Variants in MCTP2 observed in about 807,000 individuals in gnomAD.
MCTP2 encodes the protein multiple C2 and transmembrane domain containing 2, also known as multiple C2 and transmembrane domain-containing protein 2.
In MCTP2, 132 loss-of-function variants were observed where a neutral mutation model predicts 111.6. The ratio of observed to expected loss-of-function variants is 1.18; its 90% CI spans 1.03 to 1.37. The LOEUF (loss-of-function observed/expected upper bound fraction) is 1.37, where lower values mean the gene tolerates loss of function less well. MCTP2 is among the 40% of genes most tolerant of loss of function. The probability of loss-of-function intolerance (pLI) is 0.00; values close to 1 mark genes in which losing one functional copy is unlikely to be tolerated. For missense variants in MCTP2, 1,183 were observed against 1,067.9 expected (o/e 1.11, Z -1.50); for synonymous variants, 395 against 387.7 (o/e 1.02, Z -0.22).
intron 8 of MCTP2, among the ~76,000 whole-genome samples, chr15:94,351,548 G>A (rs2078302344): frequency 6.6e-6 from 1 of 151,992 alleles, no homozygotes; most frequent in Non-Finnish European, 1.5e-5. Context: ...TTCCCATAAT[G>A]ACTTAGGAAA....
At chr15:94,450,348 G>A (rs1166396665) in intron 19 of MCTP2, among the ~76,000 whole-genome samples, 3 of 152,274 alleles carry the variant, frequency 2.0e-5, no homozygotes, top group Non-Finnish European at 4.4e-5. Flanking sequence ...GTGTGTGCGT[G>A]TGTGTGTGCA....
intron 14 of MCTP2, among the ~76,000 whole-genome samples, chr15:94,391,497 G>A (rs569590952): frequency 5.9e-5 from 9 of 152,296 alleles, no homozygotes; most frequent in Admixed American, 3.3e-4. Flanking sequence ...AGTTGGTGCC[G>A]TAGGGTAGAG....
chr15:94,362,292 G>A (rs1159703881), intron 10 of MCTP2, among the ~76,000 whole-genome samples: 1 of 152,082 alleles, frequency 6.6e-6, no homozygotes, highest in Non-Finnish European at 1.5e-5. Context: ...TCCATTTTGA[G>A]CCATTTCAAA....
chr15:94,419,073 T>C (rs529715285), intron 17 of MCTP2, among the ~76,000 whole-genome samples: 29 of 152,280 alleles, frequency 1.9e-4, no homozygotes, highest in African/African-American at 6.7e-4. Flanking sequence ...TGATATGCAT[T>C]GTTTATTTAA....
chr15:94,315,692 C>G, intron 4 of MCTP2, 55 bp downstream of exon 4: 1 of 1,260,304 alleles, frequency 7.9e-7, no homozygotes, highest in Non-Finnish European at 1.2e-6. Context: ...TTCTCTCTGT[C>G]CTTGTATCAA....
intron 8 of MCTP2, among the ~76,000 whole-genome samples, chr15:94,351,421 A>T (rs1477913956): frequency 6.6e-6 from 1 of 152,176 alleles, no homozygotes; most frequent in Non-Finnish European, 1.5e-5. Context: ...TTATAGGCTC[A>T]ATGTTTTCTC....
At chr15:94,311,720 A>C (rs1234887150) in intron 2 of MCTP2, among the ~76,000 whole-genome samples, 2 of 152,164 alleles carry the variant, frequency 1.3e-5, no homozygotes, top group Non-Finnish European at 2.9e-5. Flanking sequence ...AATTAATGTC[A>C]TTGCTCACAT....
intron 4 of MCTP2, among the ~76,000 whole-genome samples, chr15:94,317,080 G>A (rs964626627): frequency 2.0e-5 from 3 of 152,002 alleles, no homozygotes; most frequent in African/African-American, 7.2e-5. Flanking sequence ...CAATTGTTAT[G>A]TTTTTCATTT....
At chr15:94,256,794 A>G (rs1483440698) in intron 1 of MCTP2, among the ~76,000 whole-genome samples, 1 of 152,204 alleles carries the variant, frequency 6.6e-6, no homozygotes, top group Non-Finnish European at 1.5e-5. Flanking sequence ...ATAACCAGGA[A>G]GCTAAAAATG....
chr15:94,371,451 C>T (rs2079480074), intron 12 of MCTP2, among the ~76,000 whole-genome samples: 1 of 152,084 alleles, frequency 6.6e-6, no homozygotes, highest in African/African-American at 2.4e-5. Flanking sequence ...ATGAATTTTC[C>T]AGAGAAAATT....
chr15:94,443,064 T>A, intron 19 of MCTP2, 104 bp downstream of exon 19: 9 of 774,152 alleles, frequency 1.2e-5, no homozygotes, highest in Admixed American at 2.9e-5. Context: ...TTTTTTTTTT[T>A]AATATGATAG....
chr15:94,408,703 A>G (rs2082016080), intron 17 of MCTP2, among the ~76,000 whole-genome samples: 1 of 152,208 alleles, frequency 6.6e-6, no homozygotes, highest in Admixed American at 6.5e-5. Context: ...GCATATTTTC[A>G]TGTTTATATT....
intron 10 of MCTP2, among the ~76,000 whole-genome samples, chr15:94,363,123 GTTT>G (rs1219294567): frequency 6.6e-6 from 1 of 152,158 alleles, no homozygotes; most frequent in Admixed American, 6.6e-5. Context: ...ATAATTTGGA[GTTT>G]TTGACTTTGT....
chr15:94,269,076 T>A (rs1476302593), intron 1 of MCTP2, among the ~76,000 whole-genome samples: 1 of 152,214 alleles, frequency 6.6e-6, no homozygotes, highest in East Asian at 1.9e-4. Context: ...AAGGACTTTT[T>A]AAATTGCTCC....
At chr15:94,432,739 T>C (rs770917175) in intron 17 of MCTP2, among the ~76,000 whole-genome samples, 1 of 152,210 alleles carries the variant, frequency 6.6e-6, no homozygotes, top group Non-Finnish European at 1.5e-5. Context: ...TTTTTGAGAA[T>C]TATTCAGAGA....
intron 20 of MCTP2, among the ~76,000 whole-genome samples, chr15:94,469,316 C>T (rs1434085281): frequency 3.9e-5 from 6 of 152,130 alleles, no homozygotes; most frequent in East Asian, 3.9e-4. Context: ...TACAATATAT[C>T]CAAGTCCATG....
intron 8 of MCTP2, among the ~76,000 whole-genome samples, chr15:94,355,034 G>A (rs756206746): frequency 1.3e-4 from 20 of 152,108 alleles, no homozygotes; most frequent in Non-Finnish European, 2.1e-4. Context: ...CTTACTGAAC[G>A]GACAACGTAA....
At chr15:94,243,973 G>C (rs967660248) in intron 1 of MCTP2, among the ~76,000 whole-genome samples, 4 of 144,462 alleles carry the variant, frequency 2.8e-5, no homozygotes, top group Non-Finnish European at 4.6e-5. Context: ...ACACACATAT[G>C]TATACACATA....
At chr15:94,432,460 A>T (rs1393794228) in intron 17 of MCTP2, among the ~76,000 whole-genome samples, 2 of 152,182 alleles carry the variant, frequency 1.3e-5, no homozygotes. Flanking sequence ...TACTTTGACC[A>T]ATGTTGGGTC....
Sources: allele counts gnomAD v4.1 joint callset (sites outside exome capture counted in the v4.1 genomes callset), GRCh38; gene constraint gnomAD v4.1.1; transcripts MANE v1.5; gene names NCBI Gene and HGNC (gene_info 2026-07-23, HGNC 2026-07-21).